PCED1B: variants seen among roughly 807,000 people sequenced by gnomAD.
The protein encoded by PCED1B is PC-esterase domain-containing protein 1B.
For synonymous variants in PCED1B, 251 were observed against 246.1 expected (o/e 1.02, Z -0.19); for missense variants, 573 against 573.9 (o/e 1.00, Z 0.02).
At chr12:47,170,324 CT>C (rs1357671424) in intron 2 of PCED1B, among the ~76,000 whole-genome samples, 1 of 152,220 alleles carries the variant, frequency 6.6e-6, no homozygotes, top group Non-Finnish European at 1.5e-5. Flanking sequence ...ACAATCTGAT[CT>C]CTCTTTTCCC....
intron 3 of PCED1B, among the ~76,000 whole-genome samples, chr12:47,221,044 A>G (rs1235351446): frequency 6.6e-6 from 1 of 152,234 alleles, no homozygotes; most frequent in African/African-American, 2.4e-5. Context: ...GAATTATTCT[A>G]ACATATTAAA....
chr12:47,128,249 GT>G (rs1939977426), intron 2 of PCED1B, among the ~76,000 whole-genome samples: 2 of 151,928 alleles, frequency 1.3e-5, no homozygotes, highest in Non-Finnish European at 2.9e-5. Context: ...TTTTTTTTCA[GT>G]TGTAGAAATG....
At chr12:47,148,543 C>T (rs1190316358) in intron 2 of PCED1B, among the ~76,000 whole-genome samples, 2 of 152,094 alleles carry the variant, frequency 1.3e-5, no homozygotes, top group Non-Finnish European at 2.9e-5. Context: ...TCACCACAGC[C>T]CCTGAAACTC....
intron 1 of PCED1B, among the ~76,000 whole-genome samples, chr12:47,082,416 T>C (rs1937778859): frequency 6.6e-6 from 1 of 152,148 alleles, no homozygotes; most frequent in African/African-American, 2.4e-5. Context: ...GAAAGAGGAG[T>C]CCTGTAAATG....
At chr12:47,085,805 T>G (rs1180518441) in intron 1 of PCED1B, among the ~76,000 whole-genome samples, 1 of 152,344 alleles carries the variant, frequency 6.6e-6, no homozygotes, top group East Asian at 1.9e-4. Flanking sequence ...AAAAGTACAA[T>G]GAAAACTTAA....
chr12:47,177,098 AGAGCAGGAG>A (rs1941948048), intron 2 of PCED1B, among the ~76,000 whole-genome samples: 1 of 152,192 alleles, frequency 6.6e-6, no homozygotes, highest in South Asian at 2.1e-4. Flanking sequence ...GAGATGCCTC[AGAGCAGGAG>A]TGAGTAGCTT....
chr12:47,133,049 C>T (rs1278703833), intron 2 of PCED1B, among the ~76,000 whole-genome samples: 1 of 152,044 alleles, frequency 6.6e-6, no homozygotes, highest in African/African-American at 2.4e-5. Flanking sequence ...ATAATTTTCC[C>T]CTGTTTCTTA....
chr12:47,223,992 A>G (rs1283561473), intron 3 of PCED1B: 1 of 152,284 alleles, frequency 6.6e-6, no homozygotes, highest in Non-Finnish European at 1.5e-5. Flanking sequence ...GGCAGAGTCC[A>G]CGTCTGGCTT....
intron 2 of PCED1B, among the ~76,000 whole-genome samples, chr12:47,170,051 C>T (rs1941675070): frequency 6.6e-6 from 1 of 152,214 alleles, no homozygotes; most frequent in Admixed American, 6.5e-5. Flanking sequence ...CCGCCTTCCA[C>T]AGCGTTTGTG....
chr12:47,089,458 ATAC>A (rs1233909627), intron 1 of PCED1B, among the ~76,000 whole-genome samples: 578 of 46,778 alleles, frequency 0.012, 9 homozygotes, highest in African/African-American at 0.045. Context: ...AAAAAAAAAA[ATAC>A]ATATATATAT....
Position 47,236,277 on chromosome 12 carries a change from C to A in PCED1B, c.1214C>A (p.Pro405His). 6.2e-7 allele frequency: 1 copy of A among 1,614,156 alleles called. No homozygotes were observed. Among genetic ancestry groups the A allele is most frequent in the Non-Finnish European group, 8.5e-7 (1 of 1,180,042 alleles). ...CATAGGGGTTTTGGCAGGTATCGTC[C>A]CCGTGGCCCCTATACGCCCTGGGGA... Reference protein sequence around the residue: ...VVHRGFGRYRPRGPYTPWGQR... With the variant: ...VVHRGFGRYRHRGPYTPWGQR... The change falls in exon 4 of 4, where the codon CCC becomes CAC. Residue 405 changes from proline (P) to histidine (H), a missense_variant. Coordinates refer to ENST00000546455, the MANE Select transcript of PCED1B (RefSeq NM_138371.3).
chr12:47,196,050 T>C (rs888051341), intron 2 of PCED1B, among the ~76,000 whole-genome samples: 2 of 152,242 alleles, frequency 1.3e-5, no homozygotes, highest in African/African-American at 4.8e-5. Context: ...TAATTTCAGT[T>C]CCAAAATAAA....
intron 2 of PCED1B, among the ~76,000 whole-genome samples, chr12:47,112,318 A>T (rs1306557287): frequency 1.3e-5 from 2 of 152,218 alleles, no homozygotes; most frequent in African/African-American, 2.4e-5. Flanking sequence ...TTTATTTCCT[A>T]ATGACTTCCA....
chr12:47,197,001 C>A (rs1942621391), intron 2 of PCED1B, among the ~76,000 whole-genome samples: 1 of 150,888 alleles, frequency 6.6e-6, no homozygotes, highest in Middle Eastern at 3.4e-3. Context: ...GCAAAGTACA[C>A]AAATTGGCAG....
intron 2 of PCED1B, among the ~76,000 whole-genome samples, chr12:47,204,297 A>G (rs1374742511): frequency 1.3e-5 from 2 of 152,100 alleles, no homozygotes; most frequent in Admixed American, 6.6e-5. Flanking sequence ...AAGAATGTCA[A>G]TGGTAGTTTA....
chr12:47,154,977 G>T (rs943018183), intron 2 of PCED1B, among the ~76,000 whole-genome samples: 4 of 152,142 alleles, frequency 2.6e-5, no homozygotes, highest in Admixed American at 2.0e-4. Flanking sequence ...AATCCATGGG[G>T]TGGGGAGAAG....
intron 2 of PCED1B, among the ~76,000 whole-genome samples, chr12:47,127,415 C>G (rs1939934881): frequency 7.0e-6 from 1 of 143,004 alleles, no homozygotes; most frequent in Admixed American, 7.3e-5. Context: ...GTAGCCCAGG[C>G]TGGAGTGCAG....
intron 2 of PCED1B, among the ~76,000 whole-genome samples, chr12:47,196,697 G>A (rs943050116): frequency 2.6e-5 from 4 of 152,102 alleles, no homozygotes; most frequent in Non-Finnish European, 5.9e-5. Flanking sequence ...GCGTGGTGGC[G>A]GGCGCCTGTA....
intron 2 of PCED1B, among the ~76,000 whole-genome samples, chr12:47,112,320 T>A (rs1372567259): frequency 6.6e-6 from 1 of 152,238 alleles, no homozygotes; most frequent in Non-Finnish European, 1.5e-5. Flanking sequence ...TATTTCCTAA[T>A]GACTTCCAAA....
Sources: gnomAD v4.1 joint callset for allele counts (sites outside exome capture counted in the v4.1 genomes callset) on GRCh38, gnomAD v4.1.1 for gene constraint, MANE v1.5 for transcripts, NCBI Gene and HGNC (gene_info 2026-07-23, HGNC 2026-07-21) for gene names.